The following PLXNA4 variants were observed in gnomAD, a reference collection of about 807,000 sequenced individuals.
PLXNA4 encodes plexin-A4.
In PLXNA4, 44 loss-of-function variants were observed where a neutral mutation model predicts 191.8. The ratio of observed to expected loss-of-function variants is 0.23; its 90% CI spans 0.18 to 0.29. The LOEUF (loss-of-function observed/expected upper bound fraction) is 0.29, where lower values mean the gene tolerates loss of function less well. Among genes scored for constraint, PLXNA4 ranks in the 10% least tolerant of loss-of-function variants. The probability of loss-of-function intolerance (pLI) is 1.00; values close to 1 mark genes in which losing one functional copy is unlikely to be tolerated. For missense variants in PLXNA4, 1,800 were observed against 2,488.8 expected (o/e 0.72, Z 5.89); for synonymous variants, 1,082 against 1,009.5 (o/e 1.07, Z -1.36).
At chr7:132,274,890 G>C (rs1219918879) in intron 4 of PLXNA4, among the ~76,000 whole-genome samples, 1 of 150,820 alleles carries the variant, frequency 6.6e-6, no homozygotes, top group Non-Finnish European at 1.5e-5. Flanking sequence ...TTACAGGTGA[G>C]AGCTATAGCA....
chr7:132,189,118 T>C (rs547235066), intron 14 of PLXNA4, among the ~76,000 whole-genome samples: 115 of 148,796 alleles, frequency 7.7e-4, no homozygotes, highest in African/African-American at 2.5e-3. Context: ...GAGACAGAGT[T>C]GAACTCAGGG....
intron 1 of PLXNA4, among the ~76,000 whole-genome samples, chr7:132,537,836 T>G (rs1351056661): frequency 1.3e-5 from 2 of 152,176 alleles, no homozygotes; most frequent in African/African-American, 4.8e-5. Context: ...CCTCAAGCCA[T>G]GACCTTCTGT....
intron 1 of PLXNA4, among the ~76,000 whole-genome samples, chr7:132,526,218 C>T (rs1799395371): frequency 6.6e-6 from 1 of 152,128 alleles, no homozygotes; most frequent in South Asian, 2.1e-4. Flanking sequence ...GTATAGACTG[C>T]ACTCCTTGAT....
chr7:132,385,748 GCACA>G (rs147872763), intron 3 of PLXNA4, among the ~76,000 whole-genome samples: 12 of 151,794 alleles, frequency 7.9e-5, no homozygotes, highest in Middle Eastern at 3.4e-3. Flanking sequence ...ACACATGGAT[GCACA>G]CACACACACA....
intron 2 of PLXNA4, among the ~76,000 whole-genome samples, chr7:132,627,710 T>C (rs1803409271): frequency 6.6e-6 from 1 of 152,218 alleles, no homozygotes; most frequent in Non-Finnish European, 1.5e-5. Context: ...GAAGGCACAG[T>C]ATTTGCTTCT....
intron 9 of PLXNA4, among the ~76,000 whole-genome samples, chr7:132,221,443 G>A (rs1798142177): frequency 6.6e-6 from 1 of 152,102 alleles, no homozygotes; most frequent in African/African-American, 2.4e-5. Flanking sequence ...CAAGTTATTT[G>A]CAGGTTTCAG....
rs540239223 is a variant in PLXNA4, at chr7:132,644,118, G to A, written c.-87+1810C>T. On this transcript the variant is annotated intron_variant, in intron 2 of 4. Transcript: ENST00000378539. ...AGCCAAAAGTGTTTGAAAGGCAGTG[G>A]CCTAGAGGAGTGAGTGAGCAAATGG... Among the ~76,000 whole-genome samples, 196 of 152,280 alleles carry A rather than the reference G, an allele frequency of 1.3e-3. 2 individuals carry two copies. Among genetic ancestry groups the A allele is most frequent in the Non-Finnish European group, 6.3e-4 (43 of 68,008 alleles).
intron 3 of PLXNA4, among the ~76,000 whole-genome samples, chr7:132,360,945 G>A (rs1261364707): frequency 1.1e-4 from 16 of 152,218 alleles, no homozygotes; most frequent in Admixed American, 9.2e-4. Flanking sequence ...TGGCATAGGA[G>A]CTCACTAAAT....
intron 30 of PLXNA4, among the ~76,000 whole-genome samples, chr7:132,136,347 C>G (rs1419828318): frequency 6.6e-6 from 1 of 152,176 alleles, no homozygotes; most frequent in Non-Finnish European, 1.5e-5. Context: ...GAACCTGGGC[C>G]CCTGTGCTTG....
chr7:132,229,973 A>C (rs376870997), intron 5 of PLXNA4, among the ~76,000 whole-genome samples: 1 of 152,132 alleles, frequency 6.6e-6, no homozygotes, highest in Non-Finnish European at 1.5e-5. Flanking sequence ...AGGAGAAATC[A>C]TTGAAGGCCA....
intron 4 of PLXNA4, among the ~76,000 whole-genome samples, chr7:132,283,954 C>A (rs1257873458): frequency 6.6e-6 from 1 of 152,214 alleles, no homozygotes; most frequent in Non-Finnish European, 1.5e-5. Flanking sequence ...GCAGGAGGAT[C>A]ACTTAAGCCC....
intron 3 of PLXNA4, among the ~76,000 whole-genome samples, chr7:132,432,177 C>T (rs1388152137): frequency 2.6e-5 from 4 of 152,138 alleles, no homozygotes; most frequent in African/African-American, 7.2e-5. Flanking sequence ...CTGCATCTAA[C>T]GGGGTACCAG....
intron 3 of PLXNA4, among the ~76,000 whole-genome samples, chr7:132,485,571 C>T (rs1797524579): frequency 6.6e-6 from 1 of 152,202 alleles, no homozygotes; most frequent in Admixed American, 6.5e-5. Flanking sequence ...AGCTGATTGT[C>T]CCAACTCAAG....
In PLXNA4 at chr7:132,159,639, G is replaced by A. The variant is rs1360793644; in HGVS notation, c.4501-7C>T. 9 of 1,613,720 alleles carry A rather than the reference G, an allele frequency of 5.6e-6. No homozygotes were observed. Among genetic ancestry groups the A allele is most frequent in the Non-Finnish European group, 6.8e-6 (8 of 1,179,892 alleles). On this transcript the variant is annotated splice_region_variant and splice_polypyrimidine_tract_variant and intron_variant, in intron 24 of 31. Transcript: ENST00000321063. Reference sequence around the variant, plus strand: ...GGCTGACACAGCTCAGGACCTGAAGGAAAGGTGGGGAGAGGAAGCATATGA... The same window carrying A: ...GGCTGACACAGCTCAGGACCTGAAGAAAAGGTGGGGAGAGGAAGCATATGA...
chr7:132,419,133 C>T (rs1262810328), intron 3 of PLXNA4, among the ~76,000 whole-genome samples: 1 of 152,192 alleles, frequency 6.6e-6, no homozygotes, highest in African/African-American at 2.4e-5. Context: ...GAACATTCCT[C>T]ATTCATTCCC....
chr7:132,137,380 T>TTCAAC (rs1795143202), intron 30 of PLXNA4, among the ~76,000 whole-genome samples: 1 of 149,558 alleles, frequency 6.7e-6, no homozygotes, highest in African/African-American at 2.6e-5. Flanking sequence ...AGAATGACCT[T>TTCAAC]TCAACTCTTC....
chr7:132,593,696 C>T (rs972624168), intron 2 of PLXNA4, among the ~76,000 whole-genome samples: 5 of 152,200 alleles, frequency 3.3e-5, no homozygotes, highest in East Asian at 1.9e-4. Context: ...CAGCCTAAGG[C>T]GTATATCCAC....
intron 1 of PLXNA4, among the ~76,000 whole-genome samples, chr7:132,554,540 A>G (rs1028748423): frequency 6.6e-6 from 1 of 152,158 alleles, no homozygotes; most frequent in African/African-American, 2.4e-5. Context: ...GAATAATGCA[A>G]TGTTTCCAGC....
At chr7:132,598,321 G>A (rs1319069889) in intron 2 of PLXNA4, among the ~76,000 whole-genome samples, 1 of 152,086 alleles carries the variant, frequency 6.6e-6, no homozygotes, top group East Asian at 1.9e-4. Context: ...ATGTTGGCCA[G>A]GCTGGTCTCA....
Sources: allele counts gnomAD v4.1 joint callset (sites outside exome capture counted in the v4.1 genomes callset), GRCh38; gene constraint gnomAD v4.1.1; transcripts MANE v1.5; gene names NCBI Gene and HGNC (gene_info 2026-07-23, HGNC 2026-07-21).